The following ERC1 variants were observed in gnomAD, a reference collection of about 807,000 sequenced individuals.
ERC1 encodes the protein RAB6 interacting protein 2.
Under a neutral mutation model 132.0 loss-of-function variants are expected in ERC1, and 56 were observed. That is an observed-to-expected ratio of 0.42 (90% CI 0.34 to 0.53). The LOEUF (loss-of-function observed/expected upper bound fraction) is 0.53. Ranked by LOEUF, ERC1 falls within the 20% of genes least tolerant of loss-of-function variation. ERC1 has a pLI of 0.03. For synonymous variants in ERC1, 478 were observed against 476.1 expected, an observed-to-expected ratio of 1.00 and a Z score of -0.05; for missense variants, 1,202 against 1,349.9, an observed-to-expected ratio of 0.89 and a Z score of 1.72.
chr12:1,360,915 A>G (rs2086032044), intron 15 of ERC1, among the ~76,000 whole-genome samples: 1 of 151,924 alleles, frequency 6.6e-6, no homozygotes, highest in Admixed American at 6.6e-5. Context: ...CCTCTCTAAT[A>G]AAAATAAATA....
At chr12:1,322,241 T>C (rs2082162957) in intron 15 of ERC1, among the ~76,000 whole-genome samples, 1 of 145,186 alleles carries the variant, frequency 6.9e-6, no homozygotes, top group South Asian at 2.2e-4. Flanking sequence ...ATAAAATGAG[T>C]ATTACTAACT....
intron 15 of ERC1, among the ~76,000 whole-genome samples, chr12:1,336,167 G>A (rs555394529): frequency 3.0e-4 from 45 of 151,730 alleles, no homozygotes; most frequent in African/African-American, 9.9e-4. Flanking sequence ...AGCCTATTTA[G>A]CAGTTTATTT....
chr12:1,478,576 G>A (rs1184731724), intron 18 of ERC1, among the ~76,000 whole-genome samples: 2 of 151,904 alleles, frequency 1.3e-5, no homozygotes, highest in Non-Finnish European at 2.9e-5. Context: ...GGTGGATCAC[G>A]AGGTCAGGAG....
chr12:1,314,969 C>T (rs1260027865), intron 15 of ERC1, among the ~76,000 whole-genome samples: 1 of 152,144 alleles, frequency 6.6e-6, no homozygotes, highest in African/African-American at 2.4e-5. Context: ...TGAAACTTGC[C>T]AAATGGTCTA....
At chr12:1,401,592 G>A (rs2091068175) in intron 16 of ERC1, among the ~76,000 whole-genome samples, 2 of 151,990 alleles carry the variant, frequency 1.3e-5, no homozygotes, top group African/African-American at 4.8e-5. Context: ...AGTTATTTAG[G>A]CTCTCTGTAC....
chr12:1,008,494 C>G lies in ERC1; in HGVS notation c.-157+17172C>G, dbSNP rs566366899. Among the ~76,000 whole-genome samples the G allele has an allele frequency of 3.3e-5, 5 of 151,930 alleles. No individual in the cohort carries two copies. The South Asian group carries it at 6.2e-4, about 19-fold the overall frequency. On this transcript the variant is annotated intron_variant, in intron 1 of 18. Transcript: ENST00000360905. ...CTCTTGCTATGTTGCCCAGGCTGGTCTCGAACTCCTGGGCTCAAGTGATCC... is the reference window on the plus strand; with the variant it reads ...CTCTTGCTATGTTGCCCAGGCTGGTGTCGAACTCCTGGGCTCAAGTGATCC...
At chr12:1,362,470 GTC>G (rs763328898) in intron 15 of ERC1, among the ~76,000 whole-genome samples, 5 of 148,844 alleles carry the variant, frequency 3.4e-5, no homozygotes, top group Non-Finnish European at 6.0e-5. Context: ...CTCTCTCTCT[GTC>G]TCTCTCTCTC....
intron 15 of ERC1, among the ~76,000 whole-genome samples, chr12:1,337,318 T>C (rs933568323): frequency 1.3e-5 from 2 of 152,076 alleles, no homozygotes; most frequent in Non-Finnish European, 2.9e-5. Flanking sequence ...CTTTTTCTTT[T>C]TTTTTTTTAA....
intron 3 of ERC1, among the ~76,000 whole-genome samples, chr12:1,092,324 A>G (rs923231252): frequency 5.3e-5 from 8 of 152,180 alleles, no homozygotes; most frequent in Non-Finnish European, 8.8e-5. Context: ...AAAAGTCACA[A>G]CTTTCCCTGT....
chr12:1,379,672 G>A lies in ERC1; in HGVS notation c.2925+7695G>A, dbSNP rs572546061. Among the ~76,000 whole-genome samples the A allele has an allele frequency of 5.3e-5, 8 of 152,296 alleles. No homozygotes were observed. In the South Asian group the frequency reaches 1.7e-3, roughly 32 times the overall value. On this transcript the variant is annotated intron_variant, in intron 16 of 18. Coordinates refer to ENST00000360905, the MANE Select transcript of ERC1 (RefSeq NM_178040.4). ...CAGGAATTTGCAGGCAGCTTAGCAG[G>A]TGGTTCTGACCCGGGGTCCTCTGTA...
intron 15 of ERC1, among the ~76,000 whole-genome samples, chr12:1,299,804 GTTATCACTCCAGTTTC>G (rs2080252244): frequency 6.6e-6 from 1 of 152,086 alleles, no homozygotes; most frequent in African/African-American, 2.4e-5. Context: ...CGAGAGAGGG[GTTATCACTCCAGTTTC>G]TAAAGACACG....
At chr12:1,282,692 A>G (rs956962993) in intron 14 of ERC1, among the ~76,000 whole-genome samples, 1 of 152,226 alleles carries the variant, frequency 6.6e-6, no homozygotes, top group African/African-American at 2.4e-5. Context: ...ATATGTGTAT[A>G]TATGTTTTCA....
chr12:1,312,777 ATATT>A (rs2081401581), intron 15 of ERC1, among the ~76,000 whole-genome samples: 2 of 152,144 alleles, frequency 1.3e-5, no homozygotes, highest in African/African-American at 4.8e-5. Context: ...GTCATCCACT[ATATT>A]TATGAGTTGG....
At chr12:1,045,933 A>G (rs74587809) in intron 2 of ERC1, among the ~76,000 whole-genome samples, 77 of 152,272 alleles carry the variant, frequency 5.1e-4, no homozygotes, top group African/African-American at 1.7e-3. Flanking sequence ...GATGATAAAT[A>G]TAATTTGATT....
intron 4 of ERC1, 50 bp downstream of exon 4, chr12:1,104,874 G>A (rs1275116555): frequency 7.6e-7 from 1 of 1,311,458 alleles, no homozygotes; most frequent in Non-Finnish European, 1.1e-6. Flanking sequence ...ATACTTTTAA[G>A]TGATCAAAAA....
rs901678871 is a variant in ERC1 at position 1,426,347 on chromosome 12, C to T, written c.3024+18100C>T. On this transcript the variant is annotated intron_variant, in intron 17 of 18. Coordinates refer to ENST00000360905, the MANE Select transcript of ERC1 (RefSeq NM_178040.4). ...CTCGAACTCCTGACCTCAGGTGATC[C>T]ACCCGCCTCAACCTCCCAAAATGCT... Among the ~76,000 whole-genome samples, 4 of 152,222 alleles carry T rather than the reference C, an allele frequency of 2.6e-5. No individual in the cohort carries two copies. In the East Asian group the frequency reaches 7.7e-4, roughly 29 times the overall value.
At chr12:1,113,170 T>C (rs1946076042) in intron 6 of ERC1, among the ~76,000 whole-genome samples, 1 of 152,244 alleles carries the variant, frequency 6.6e-6, no homozygotes, top group South Asian at 2.1e-4. Flanking sequence ...TACATCATTT[T>C]ATATCAGGGA....
At chr12:1,284,294 G>A (rs2078895546) in intron 14 of ERC1, among the ~76,000 whole-genome samples, 1 of 147,464 alleles carries the variant, frequency 6.8e-6, no homozygotes, top group Non-Finnish European at 1.5e-5. Flanking sequence ...GTGTGTGTGT[G>A]TGTGTGTGTG....
intron 16 of ERC1, among the ~76,000 whole-genome samples, chr12:1,382,043 C>T (rs1051734046): frequency 3.3e-5 from 5 of 152,112 alleles, no homozygotes; most frequent in Non-Finnish European, 5.9e-5. Context: ...TAAGAATTCC[C>T]GTTCTATAAC....
Sources: gnomAD v4.1 joint callset for allele counts (sites outside exome capture counted in the v4.1 genomes callset) on GRCh38, gnomAD v4.1.1 for gene constraint, MANE v1.5 for transcripts, NCBI Gene and HGNC (gene_info 2026-07-23, HGNC 2026-07-21) for gene names.